The following SLC41A3 variants were observed in gnomAD, a reference collection of about 807,000 sequenced individuals.
SLC41A3 encodes the protein solute carrier family 41 member 3, also known as SLC41A1-like 2.
SLC41A3 carries 44 observed loss-of-function variants against 45.4 expected under a neutral mutation model. The ratio of observed to expected loss-of-function variants is 0.97; its 90% CI spans 0.76 to 1.25. The LOEUF (loss-of-function observed/expected upper bound fraction) is 1.25, where lower values mean the gene tolerates loss of function less well. SLC41A3 is among the 50% of genes most tolerant of loss of function. The pLI, the probability that SLC41A3 is intolerant of heterozygous loss-of-function variation, is 0.00. For synonymous variants in SLC41A3, 256 were observed against 252.4 expected (o/e 1.01, Z -0.13); for missense variants, 550 against 600.6 (o/e 0.92, Z 0.88).
chr3:126,054,278 A>G (rs990238540), intron 2 of SLC41A3, among the ~76,000 whole-genome samples: 1 of 152,160 alleles, frequency 6.6e-6, no homozygotes, highest in Non-Finnish European at 1.5e-5. Flanking sequence ...TGGGGCTGAG[A>G]TGACTAAGCA....
chr3:126,072,422 C>T (rs1243918872), intron 1 of SLC41A3, among the ~76,000 whole-genome samples: 7 of 145,724 alleles, frequency 4.8e-5, no homozygotes, highest in Admixed American at 2.0e-4. Flanking sequence ...TTGAAGAGAT[C>T]GACAAAACTG....
intron 6 of SLC41A3, among the ~76,000 whole-genome samples, chr3:126,019,864 G>T (rs995069890): frequency 5.3e-5 from 8 of 151,958 alleles, no homozygotes; most frequent in African/African-American, 1.9e-4. Context: ...CTGGGGTCTT[G>T]GCGGGAGTCC....
At chr3:126,085,900 TG>T (rs1457788514), upstream of SLC41A3, among the ~76,000 whole-genome samples, 1 of 152,148 alleles carries the variant, frequency 6.6e-6, no homozygotes, top group Non-Finnish European at 1.5e-5. Flanking sequence ...AAAAATGGCT[TG>T]TCCAGGAATG....
At chr3:126,018,292 T>C (rs1940511556) in intron 6 of SLC41A3, among the ~76,000 whole-genome samples, 1 of 152,230 alleles carries the variant, frequency 6.6e-6, no homozygotes, top group Non-Finnish European at 1.5e-5. Flanking sequence ...GTTCATGTGA[T>C]GCCTGAACTC....
intron 2 of SLC41A3, among the ~76,000 whole-genome samples, chr3:126,062,021 C>T (rs1266017752): frequency 6.6e-6 from 1 of 152,222 alleles, no homozygotes; most frequent in African/African-American, 2.4e-5. Flanking sequence ...CACAGACCCT[C>T]CCCTGCTCAC....
intron 1 of SLC41A3, among the ~76,000 whole-genome samples, chr3:126,098,738 GTTCCCAGCCAGTCTCCATCT>G (rs1031298308): frequency 4.3e-4 from 66 of 152,282 alleles, no homozygotes; most frequent in African/African-American, 1.6e-3. Context: ...TCCAGCTGGT[GTTCCCAGCCAGTCTCCATCT>G]TTCCCAAATG....
intron 3 of SLC41A3, 49 bp from the exon 4 acceptor site, chr3:126,033,727 C>T: frequency 6.4e-7 from 1 of 1,571,472 alleles, no homozygotes; most frequent in Non-Finnish European, 8.7e-7. Flanking sequence ...GGCCCAAAGC[C>T]AGGTCAACCC....
At chr3:126,014,282 C>T (rs905454) in intron 8 of SLC41A3, among the ~76,000 whole-genome samples, 103,297 of 151,830 alleles carry the variant, frequency 0.68, 36,643 homozygotes, top group African/African-American at 0.89. Flanking sequence ...GAAAAAAAAA[C>T]CTCAAATTAA....
intron 8 of SLC41A3, among the ~76,000 whole-genome samples, chr3:126,013,189 T>C (rs1939899243): frequency 6.6e-6 from 1 of 151,834 alleles, no homozygotes; most frequent in Non-Finnish European, 1.5e-5. Context: ...CAGCCTGGAA[T>C]ATCTGAGAAA....
chr3:126,095,443 A>G (rs759318572), intron 1 of SLC41A3: 13 of 490,038 alleles, frequency 2.7e-5, no homozygotes, highest in Non-Finnish European at 4.3e-5. Context: ...CACAATGAGT[A>G]ATTTAATAGT....
intron 3 of SLC41A3, among the ~76,000 whole-genome samples, chr3:126,047,130 A>G (rs889088698): frequency 6.6e-6 from 1 of 152,196 alleles, no homozygotes; most frequent in African/African-American, 2.4e-5. Flanking sequence ...TGGGAGGCCA[A>G]AATGGGCAAA....
intron 9 of SLC41A3, among the ~76,000 whole-genome samples, chr3:126,011,782 T>C (rs1229143420): frequency 6.6e-6 from 1 of 152,228 alleles, no homozygotes; most frequent in Non-Finnish European, 1.5e-5. Context: ...ATTTTTCAAG[T>C]GTTTGAAAAC....
chr3:126,048,572 T>C (rs1363655653), intron 3 of SLC41A3, among the ~76,000 whole-genome samples: 2 of 152,234 alleles, frequency 1.3e-5, no homozygotes, highest in Admixed American at 6.5e-5. Flanking sequence ...CTTTCCAATA[T>C]TTAAGACTCT....
intron 2 of SLC41A3, among the ~76,000 whole-genome samples, chr3:126,062,090 T>C (rs1443516029): frequency 3.3e-5 from 5 of 151,950 alleles, no homozygotes; most frequent in African/African-American, 1.2e-4. Flanking sequence ...AGGAGGGAAA[T>C]TTATTATGTG....
At chr3:126,074,626 A>G (rs1944789065) in intron 1 of SLC41A3, among the ~76,000 whole-genome samples, 1 of 152,044 alleles carries the variant, frequency 6.6e-6, no homozygotes, top group African/African-American at 2.4e-5. Context: ...TCAATACACG[A>G]AAGTCAGTTT....
intron 2 of SLC41A3, among the ~76,000 whole-genome samples, chr3:126,059,299 A>AGAGAGAAAG (rs1943914545): frequency 5.6e-5 from 7 of 124,098 alleles, no homozygotes; most frequent in Admixed American, 1.6e-4. Context: ...AGAAAGAAAG[A>AGAGAGAAAG]AAGAAAGAAA....
intron 2 of SLC41A3, among the ~76,000 whole-genome samples, chr3:126,067,099 C>G (rs372927599): frequency 0.01 from 658 of 65,074 alleles, 27 homozygotes; most frequent in African/African-American, 0.015. Flanking sequence ...GACCGCCCCC[C>G]CGCCCCCCGC....
chr3:126,070,996 GA>G (rs768099172), intron 1 of SLC41A3, among the ~76,000 whole-genome samples: 7 of 147,166 alleles, frequency 4.8e-5, no homozygotes, highest in African/African-American at 1.2e-4. Context: ...CAACTGCTAA[GA>G]AAAAAAAATA....
upstream of SLC41A3, among the ~76,000 whole-genome samples, chr3:126,086,409 T>G (rs4599249): frequency 0.18 from 9,521 of 53,480 alleles, 1,664 homozygotes; most frequent in African/African-American, 0.46. Context: ...TGTTTTCTTG[T>G]TTTTTTTTTT....
Sources: allele counts gnomAD v4.1 joint callset (sites outside exome capture counted in the v4.1 genomes callset), GRCh38; gene constraint gnomAD v4.1.1; transcripts MANE v1.5; gene names NCBI Gene and HGNC (gene_info 2026-07-23, HGNC 2026-07-21).